The following SPATA16 variants were observed in gnomAD, a reference collection of about 807,000 sequenced individuals.
The protein encoded by SPATA16 is spermatogenesis-associated protein 16.
In SPATA16, 36 loss-of-function variants were observed where a neutral mutation model predicts 63.3. The ratio of observed to expected loss-of-function variants is 0.57; its 90% confidence interval spans 0.44 to 0.75. SPATA16 has a LOEUF of 0.75. Ranked by LOEUF, SPATA16 falls within the 30% of genes least tolerant of loss-of-function variation. The pLI is 0.00. For missense variants in SPATA16, 646 were observed against 679.3 expected (o/e 0.95, Z 0.54); for synonymous variants, 203 against 216.7 (o/e 0.94, Z 0.56).
intron 5 of SPATA16, among the ~76,000 whole-genome samples, chr3:172,967,963 G>T (rs1171402208): frequency 1.3e-5 from 2 of 152,150 alleles, no homozygotes; most frequent in Non-Finnish European, 2.9e-5. Flanking sequence ...TTATGTGCTT[G>T]AATCATCTTG....
chr3:173,066,387 C>T (rs1189575039), intron 2 of SPATA16, among the ~76,000 whole-genome samples: 1 of 152,280 alleles, frequency 6.6e-6, no homozygotes, highest in Non-Finnish European at 1.5e-5. Flanking sequence ...CAGATGTGAC[C>T]CCACACAGTG....
At chr3:173,105,188 A>G (rs1737589416) in intron 2 of SPATA16, among the ~76,000 whole-genome samples, 1 of 152,230 alleles carries the variant, frequency 6.6e-6, no homozygotes, top group South Asian at 2.1e-4. Context: ...TGCAGTAAAA[A>G]TTATGCTTGC....
At chr3:172,909,071 T>C (rs910102058) in intron 10 of SPATA16, among the ~76,000 whole-genome samples, 1 of 152,168 alleles carries the variant, frequency 6.6e-6, no homozygotes, top group Non-Finnish European at 1.5e-5. Flanking sequence ...GACTTTTAAT[T>C]TGGAAAGATT....
Position 173,056,441 on chromosome 3 carries a change from G to A in SPATA16, c.613-7347C>T, listed in dbSNP as rs559334644. Among the ~76,000 whole-genome samples the A allele has an allele frequency of 5.9e-5, 9 of 152,170 alleles. No individual in the cohort carries two copies. The South Asian group carries it at 1.7e-3, about 28-fold the overall frequency. On this transcript the variant is annotated intron_variant, in intron 2 of 10. Coordinates refer to ENST00000351008, the MANE Select transcript of SPATA16 (RefSeq NM_031955.6). ...AGAAATGCCGGGCGCAGTGGCTCAC[G>A]CCTGTAATCCCAGCACTTTGGGAGG...
chr3:172,906,468 G>T (rs1369766451), intron 10 of SPATA16, among the ~76,000 whole-genome samples: 1 of 152,166 alleles, frequency 6.6e-6, no homozygotes, highest in Non-Finnish European at 1.5e-5. Flanking sequence ...CAGATTGAAA[G>T]AACTTTATTT....
At chr3:173,010,154 C>A (rs1448052328) in intron 4 of SPATA16, among the ~76,000 whole-genome samples, 1 of 152,236 alleles carries the variant, frequency 6.6e-6, no homozygotes, top group Non-Finnish European at 1.5e-5. Flanking sequence ...AGACCCTATT[C>A]TTCTGCCTCA....
intron 10 of SPATA16, among the ~76,000 whole-genome samples, chr3:172,904,126 G>A (rs532326672): frequency 6.6e-6 from 1 of 152,174 alleles, no homozygotes; most frequent in Admixed American, 6.5e-5. Context: ...TCAAAAGAGA[G>A]ATAAAGATGT....
chr3:173,028,388 AG>A (rs1323325551), intron 3 of SPATA16, among the ~76,000 whole-genome samples: 44 of 151,872 alleles, frequency 2.9e-4, no homozygotes, highest in African/African-American at 1.1e-3. Context: ...ATGCTATGTA[AG>A]TATGATCTGT....
Position 173,056,705 on chromosome 3 carries a change from C to CAAAAAAAAAAA in SPATA16, c.613-7622_613-7612dup, listed in dbSNP as rs71162325. Among the ~76,000 whole-genome samples the CAAAAAAAAAAA allele has an allele frequency of 6.3e-4, 46 of 73,586 alleles. 1 individual carries two copies. The highest frequency in any genetic ancestry group is 2.0e-3 in the African/African-American group (36 of 17,786). The allele number at this position is 73,586 out of a possible 152,430, so 48.3% of individuals were successfully genotyped here. A position where few individuals can be genotyped will look rare whatever the true frequency, so the allele number is the denominator to read the frequency against. ...GAGCAACAGAGTGAGACTCTTGTTT[C>CAAAAAAAAAAA]AAAAAAAAAAAAAAAAAAAAAAAAG... is the stretch of plus-strand genomic sequence containing the variant. On this transcript the variant is annotated intron_variant, in intron 2 of 10. Coordinates refer to ENST00000351008, the MANE Select transcript of SPATA16 (RefSeq NM_031955.6).
At chr3:172,929,755 T>C (rs557130608) in intron 6 of SPATA16, among the ~76,000 whole-genome samples, 16 of 152,318 alleles carry the variant, frequency 1.1e-4, no homozygotes, top group Non-Finnish European at 1.9e-4. Flanking sequence ...AGCTGGAAAT[T>C]TCCACCAAAT....
intron 3 of SPATA16, among the ~76,000 whole-genome samples, chr3:173,028,045 T>TCCTA (rs1735506300): frequency 8.6e-6 from 1 of 116,934 alleles, no homozygotes; most frequent in Non-Finnish European, 1.7e-5. Flanking sequence ...CTTCCTTCCT[T>TCCTA]CCTTCCTTCC....
intron 2 of SPATA16, among the ~76,000 whole-genome samples, chr3:173,064,541 T>C (rs1318450061): frequency 1.3e-5 from 2 of 152,142 alleles, no homozygotes; most frequent in African/African-American, 2.4e-5. Context: ...ATATGTAATC[T>C]TGTCCACACA....
chr3:173,073,510 G>A (rs1351265899), intron 2 of SPATA16, among the ~76,000 whole-genome samples: 2 of 152,260 alleles, frequency 1.3e-5, no homozygotes, highest in Non-Finnish European at 2.9e-5. Context: ...AGCTCATGCT[G>A]TGGCTTCAGA....
At chr3:173,018,920 G>A (rs750794056) in intron 4 of SPATA16, among the ~76,000 whole-genome samples, 15 of 152,208 alleles carry the variant, frequency 9.9e-5, no homozygotes, top group Non-Finnish European at 2.2e-4. Context: ...TCTGAGTGTA[G>A]CATTGAGGCT....
rs1737947900 is a variant in SPATA16 at position 173,117,737 on chromosome 3, C to T, written c.-6G>A. ...CTACTGCTTCCTGCATCCATCGATCCTGCCCAAAACTCCTGCAGGGGGGAG... is the reference window on the plus strand; with the variant it reads ...CTACTGCTTCCTGCATCCATCGATCTTGCCCAAAACTCCTGCAGGGGGGAG... On this transcript the variant is annotated 5_prime_UTR_variant, in exon 2 of 11. Transcript: ENST00000351008. The T allele has an allele frequency of 6.2e-7, 1 of 1,613,950 alleles. No individual in the cohort carries two copies. The highest frequency in any genetic ancestry group is 1.1e-5 in the South Asian group (1 of 91,076).
At chr3:173,026,069 C>T (rs1040530278) in intron 3 of SPATA16, among the ~76,000 whole-genome samples, 2 of 151,932 alleles carry the variant, frequency 1.3e-5, no homozygotes. Flanking sequence ...TGCTTTGCAT[C>T]GTCGCCAGAA....
intron 2 of SPATA16, among the ~76,000 whole-genome samples, chr3:173,108,964 T>C (rs1436240003): frequency 6.6e-6 from 1 of 152,218 alleles, no homozygotes; most frequent in Non-Finnish European, 1.5e-5. Flanking sequence ...ATGACACATT[T>C]CTCAGAATGT....
intron 2 of SPATA16, among the ~76,000 whole-genome samples, chr3:173,051,919 C>T (rs973464394): frequency 6.6e-6 from 1 of 151,954 alleles, no homozygotes; most frequent in African/African-American, 2.4e-5. Context: ...TCAAGCGATT[C>T]TCCTGCCTCA....
At chr3:173,132,726 T>C (rs140862592) in intron 1 of SPATA16, among the ~76,000 whole-genome samples, 1 of 152,254 alleles carries the variant, frequency 6.6e-6, no homozygotes, top group African/African-American at 2.4e-5. Flanking sequence ...TAAACTAATA[T>C]ATAATTAACA....
Sources: allele counts gnomAD v4.1 joint callset (sites outside exome capture counted in the v4.1 genomes callset), GRCh38; gene constraint gnomAD v4.1.1; transcripts MANE v1.5; gene names NCBI Gene and HGNC (gene_info 2026-07-23, HGNC 2026-07-21).